Variants in CKMT2 observed in about 807,000 individuals in gnomAD.
CKMT2 encodes creatine kinase S-type, mitochondrial.
In CKMT2, 43 loss-of-function variants were observed where a neutral mutation model predicts 48.9. The ratio of observed to expected loss-of-function variants is 0.88; its 90% confidence interval spans 0.69 to 1.13. CKMT2 has a LOEUF of 1.13. Ranked by LOEUF, CKMT2 falls within the 50% of genes most tolerant of loss-of-function variation. CKMT2 has a pLI of 0.00. For synonymous variants in CKMT2, 206 were observed against 213.0 expected (o/e 0.97, Z 0.29); for missense variants, 472 against 555.4 (o/e 0.85, Z 1.51).
At chr5:81,235,655 C>T (rs1756221989) in intron 1 of CKMT2, 1 of 152,302 alleles carries the variant, frequency 6.6e-6, no homozygotes, top group South Asian at 2.1e-4. Flanking sequence ...TAGGATGTCA[C>T]AGAACCAGAG....
chr5:81,256,146 A>G (rs970912945), intron 5 of CKMT2, among the ~76,000 whole-genome samples: 4 of 152,196 alleles, frequency 2.6e-5, no homozygotes, highest in African/African-American at 9.7e-5. Context: ...GTGTGTAACT[A>G]TGCAAGAAAG....
intron 1 of CKMT2, among the ~76,000 whole-genome samples, chr5:81,245,617 T>C (rs1488680213): frequency 6.6e-6 from 1 of 152,212 alleles, no homozygotes; most frequent in African/African-American, 2.4e-5. Flanking sequence ...CACTGGGTCA[T>C]AGCAGTCTCT....
rs777059864 is a variant in CKMT2, at chr5:81,263,592, CATAG to C, written c.1122_1125del (p.Asp374GlufsTer12). ...TCGCAGATGTGTACGACATTTCCAACATAGATAGAATTGGTCGATCAGAGGTAAC... is the reference window on the plus strand; with the variant it reads ...TCGCAGATGTGTACGACATTTCCAACATAGAATTGGTCGATCAGAGGTAAC... On this transcript the variant is annotated frameshift_variant, in exon 9 of 10. Coordinates refer to ENST00000254035, the MANE Select transcript of CKMT2 (RefSeq NM_001099735.2). LOFTEE classifies it high-confidence loss of function. 5.0e-6 allele frequency: 8 copies of C among 1,612,306 alleles called. No homozygotes were observed. In the Admixed American group the frequency reaches 8.3e-5, roughly 17 times the overall value.
chr5:81,262,734 T>A (rs1465941736), intron 8 of CKMT2, among the ~76,000 whole-genome samples: 1 of 151,738 alleles, frequency 6.6e-6, no homozygotes, highest in East Asian at 1.9e-4. Flanking sequence ...TTGGTGGGAG[T>A]GTAAATTAGT....
chr5:81,259,460 G>C (rs1162086221), intron 8 of CKMT2: 1 of 419,020 alleles, frequency 2.4e-6, no homozygotes, highest in Non-Finnish European at 4.1e-6. Flanking sequence ...AAAGATGGTA[G>C]CTTCAAGAAT....
At chr5:81,262,314 A>G (rs1441428101) in intron 8 of CKMT2, among the ~76,000 whole-genome samples, 1 of 152,246 alleles carries the variant, frequency 6.6e-6, no homozygotes, top group African/African-American at 2.4e-5. Context: ...ACCAAGAGCA[A>G]TGGCAACAAA....
chr5:81,250,062 TTC>T (rs953927354), intron 1 of CKMT2, among the ~76,000 whole-genome samples: 37 of 152,260 alleles, frequency 2.4e-4, no homozygotes, highest in Admixed American at 5.9e-4. Context: ...TCTCTGTTTA[TTC>T]TCTCTTTCTG....
intron 1 of CKMT2, among the ~76,000 whole-genome samples, chr5:81,241,152 T>G (rs1230040568): frequency 6.6e-6 from 1 of 152,188 alleles, no homozygotes; most frequent in Non-Finnish European, 1.5e-5. Flanking sequence ...GTCCCTTTGA[T>G]GCGTGGAATT....
intron 5 of CKMT2, 39 bp downstream of exon 5, chr5:81,255,253 C>A: frequency 6.3e-7 from 1 of 1,577,306 alleles, no homozygotes; most frequent in Non-Finnish European, 8.7e-7. Context: ...AGGACTGGAC[C>A]AAGGGCTCTG....
chr5:81,262,189 C>G (rs1201296729), intron 8 of CKMT2, among the ~76,000 whole-genome samples: 1 of 152,076 alleles, frequency 6.6e-6, no homozygotes, highest in African/African-American at 2.4e-5. Context: ...CAAAAAGTAA[C>G]TCAAGATGGA....
chr5:81,264,635 T>C (rs533158507), intron 9 of CKMT2, among the ~76,000 whole-genome samples: 1 of 152,228 alleles, frequency 6.6e-6, no homozygotes, highest in Non-Finnish European at 1.5e-5. Context: ...AAAGAAAATC[T>C]GGGAGTCTAT....
intron 1 of CKMT2, chr5:81,244,897 GC>G (rs1376104528): frequency 6.8e-6 from 1 of 147,450 alleles, no homozygotes; most frequent in Non-Finnish European, 1.5e-5. Context: ...CATAGCCCAG[GC>G]TGTAGTGCAG....
chr5:81,251,078 A>G (rs574998587), intron 1 of CKMT2, 35 bp from the exon 2 acceptor site: 4 of 1,584,622 alleles, frequency 2.5e-6, no homozygotes, highest in East Asian at 4.5e-5. Context: ...GGGTCATCCT[A>G]TGAAGCTATC....
At chr5:81,244,377 G>A (rs1298177701) in intron 1 of CKMT2, among the ~76,000 whole-genome samples, 1 of 152,094 alleles carries the variant, frequency 6.6e-6, no homozygotes, top group African/African-American at 2.4e-5. Flanking sequence ...TGAGCAGTTC[G>A]ACAGTCTGAT....
At position 81,241,254 on chromosome 5, in the gene CKMT2, G is replaced by C. The variant is rs938311586; in HGVS notation, c.-21+7877G>C. 3.3e-5 allele frequency among the ~76,000 whole-genome samples: 5 copies of C among 152,266 alleles called. 1 individual carries two copies. The East Asian group carries it at 7.7e-4, about 23-fold the overall frequency. ...GGGAGGAAACCAATTCCTGCTCCTC[G>C]TGAATTCCAGAATGTAAGTTACCCC... On this transcript the variant is annotated intron_variant, in intron 1 of 9. Transcript: ENST00000254035.
intron 9 of CKMT2, among the ~76,000 whole-genome samples, chr5:81,263,874 T>C (rs1757311566): frequency 6.6e-6 from 1 of 152,232 alleles, no homozygotes; most frequent in Non-Finnish European, 1.5e-5. Flanking sequence ...CGACCTGCCA[T>C]GAGAGCTATT....
chr5:81,249,035 T>C (rs1016349601), intron 1 of CKMT2, among the ~76,000 whole-genome samples: 2 of 151,828 alleles, frequency 1.3e-5, no homozygotes, highest in Admixed American at 1.3e-4. Context: ...CTTCCAAATA[T>C]GAGGGAAATC....
rs375958821 is a variant in CKMT2, at chr5:81,266,280, A to G, written c.*22A>G. On this transcript the variant is annotated 3_prime_UTR_variant, in exon 10 of 10. Coordinates refer to ENST00000254035, the MANE Select transcript of CKMT2 (RefSeq NM_001099735.2). ...GTAAACTTTCCCTTTCCCAATTTAT[A>G]AATAATCTGTCTGCTGGTACGACAG... 20 of 1,610,734 alleles carry G rather than the reference A, an allele frequency of 1.2e-5. No individual in the cohort carries two copies. In the African/African-American group the frequency reaches 1.9e-4, roughly 15 times the overall value.
intron 6 of CKMT2, among the ~76,000 whole-genome samples, chr5:81,257,367 C>A (rs1377999520): frequency 6.6e-6 from 1 of 152,000 alleles, no homozygotes; most frequent in Non-Finnish European, 1.5e-5. Flanking sequence ...GAAGGTAACC[C>A]CCACCCGCTT....
Sources: allele counts gnomAD v4.1 joint callset (sites outside exome capture counted in the v4.1 genomes callset), GRCh38; gene constraint gnomAD v4.1.1; transcripts MANE v1.5; gene names NCBI Gene and HGNC (gene_info 2026-07-23, HGNC 2026-07-21).